The following BSN variants were observed in gnomAD, a reference collection of about 807,000 sequenced individuals.
BSN encodes the protein bassoon presynaptic cytomatrix protein.
A neutral mutation model predicts 264.8 loss-of-function variants in BSN; 57 were observed. The ratio of observed to expected loss-of-function variants is 0.22; its 90% confidence interval spans 0.17 to 0.27. The LOEUF is 0.27. BSN is among the 10% of genes least tolerant of loss of function. The probability of loss-of-function intolerance (pLI) is 1.00; values close to 1 mark genes in which losing one functional copy is unlikely to be tolerated. For missense variants in BSN, 4,615 were observed against 5,232.5 expected (o/e 0.88, Z 3.64); for synonymous variants, 2,059 against 2,137.3 (o/e 0.96, Z 1.01).
chr3:49,641,444 C>T (rs149227453), intron 2 of BSN, among the ~76,000 whole-genome samples: 1 of 152,214 alleles, frequency 6.6e-6, no homozygotes. Flanking sequence ...TGCCAGGTCA[C>T]GTGCCCATCC....
intron 11 of BSN, among the ~76,000 whole-genome samples, chr3:49,665,987 T>C (rs2052710637): frequency 6.6e-6 from 1 of 152,272 alleles, no homozygotes; most frequent in South Asian, 2.1e-4. Flanking sequence ...GCCCTGGCCC[T>C]GGCCTTGGCC....
At chr3:49,635,216 G>A (rs2052411775) in intron 2 of BSN, among the ~76,000 whole-genome samples, 1 of 152,188 alleles carries the variant, frequency 6.6e-6, no homozygotes, top group African/African-American at 2.4e-5. Context: ...CAAGCATATA[G>A]TGACATTTAA....
At chr3:49,649,636 G>A (rs2052525717) in intron 3 of BSN, among the ~76,000 whole-genome samples, 1 of 152,220 alleles carries the variant, frequency 6.6e-6, no homozygotes, top group African/African-American at 2.4e-5. Flanking sequence ...CTGGGGCTGG[G>A]AGACATGGAC....
chr3:49,564,853 C>T (rs867210277), intron 1 of BSN, among the ~76,000 whole-genome samples: 1 of 152,158 alleles, frequency 6.6e-6, no homozygotes, highest in South Asian at 2.1e-4. Context: ...AACCCTTGTG[C>T]AGATTTGTCC....
chr3:49,617,282 A>ATTATATATATATATATATATATATAT (rs2052267099), intron 1 of BSN, among the ~76,000 whole-genome samples: 3 of 33,434 alleles, frequency 9.0e-5, no homozygotes, highest in Non-Finnish European at 1.9e-4. Context: ...AATAAAATAC[A>ATTATATATATATATATATATATATAT]TTATATATAT....
At position 49,657,950 on chromosome 3, in the gene BSN, C is replaced by G; in HGVS notation, c.8394C>G (p.Val2798=). The change falls in exon 5 of 12, where the codon GTC becomes GTG. Residue 2798 remains valine (V), a synonymous_variant. Transcript: ENST00000296452. The part of the protein sequence containing the change: ...PKSPQVLYSP[V]SPLSPHRLLD... ...CCCCTCAGGTCCTCTACTCACCAGT[C>G]TCACCCCTGTCCCCTCACCGGCTCC... 1 of 1,612,798 alleles carries G rather than the reference C, an allele frequency of 6.2e-7. No individual in the cohort carries two copies. The highest frequency in any genetic ancestry group is 8.5e-7 in the Non-Finnish European group (1 of 1,179,134).
Position 49,655,282 on chromosome 3 carries a change from T to C in BSN, c.5726T>C (p.Phe1909Ser). 1 of 1,612,994 alleles carries C rather than the reference T, an allele frequency of 6.2e-7. No individual in the cohort carries two copies. The highest frequency in any genetic ancestry group is 2.2e-5 in the East Asian group (1 of 44,884). Reference protein sequence around the residue: ...ACCDMVYKLPFGSSCTGTFHP... With the variant: ...ACCDMVYKLPSGSSCTGTFHP... ...TGTGACATGGTCTACAAGCTCCCCTTTGGCAGCAGCTGCACTGGCACCTTC... is the reference window on the plus strand; with the variant it reads ...TGTGACATGGTCTACAAGCTCCCCTCTGGCAGCAGCTGCACTGGCACCTTC... Residue 1909 changes from phenylalanine to serine, a missense_variant, in exon 5 of 12, where the codon TTT becomes TCT. Coordinates refer to ENST00000296452, the MANE Select transcript of BSN (RefSeq NM_003458.4).
At chr3:49,616,108 G>A (rs2108050239) in intron 1 of BSN, among the ~76,000 whole-genome samples, 2 of 152,310 alleles carry the variant, frequency 1.3e-5, no homozygotes, top group East Asian at 3.9e-4. Flanking sequence ...GAAACATGTT[G>A]TATTGATAGA....
At position 49,658,070 on chromosome 3, in the gene BSN, G is replaced by A. The variant is rs1345847635; in HGVS notation, c.8514G>A (p.Thr2838=). The A allele has an allele frequency of 1.9e-6, 3 of 1,613,300 alleles. No individual in the cohort carries two copies. The highest frequency in any genetic ancestry group is 2.2e-5 in the East Asian group (1 of 44,878). ...FTADSALRQQ[T]LPRPMKTLQR... is the part of the protein sequence containing the mutation. ...CTGACAGCGCTCTCCGCCAGCAGAC[G>A]CTGCCTCGCCCCATGAAGACCCTGC... is the stretch of plus-strand genomic sequence containing the variant. The change falls in exon 5 of 12, where the codon ACG becomes ACA. Residue 2838 remains threonine (T), a synonymous_variant. Transcript: ENST00000296452.
rs144186165 is a variant in BSN at position 49,597,102 on chromosome 3, ATTT to A, written c.225-27869_225-27867del. On this transcript the variant is annotated intron_variant, in intron 1 of 11. Coordinates refer to ENST00000296452, the MANE Select transcript of BSN (RefSeq NM_003458.4). ...CTTTTCAGACATGATTTCTTCAAAC[ATTT>A]TTTATGTTCCTAATTTATGTCTTTT... Among the ~76,000 whole-genome samples, 659 of 152,168 alleles carry A rather than the reference ATTT, an allele frequency of 4.3e-3. 4 individuals are homozygous for A. Among genetic ancestry groups the A allele is most frequent in the African/African-American group, 0.015 (615 of 41,530 alleles).
rs2052596769 is a variant in BSN at position 49,656,122 on chromosome 3, C to T, written c.6566C>T (p.Ala2189Val). Residue 2189 changes from alanine (A) to valine (V), a missense_variant, in exon 5 of 12, where the codon GCA becomes GTA. Ala to Val is a moderately conservative substitution (Grantham distance 64). This residue lies in a region of BSN where 3,415 missense variants were observed against 3,866.4 expected (regional missense o/e 0.88). Coordinates refer to ENST00000296452, the MANE Select transcript of BSN (RefSeq NM_003458.4). ...QLLPSTATVR[A>V]ADGMIYSTIN... is the part of the protein sequence containing the mutation. ...CTGCCGTCCACAGCCACTGTACGTG[C>T]AGCTGATGGCATGATCTACTCGACT... 1 of 1,612,930 alleles carries T rather than the reference C, an allele frequency of 6.2e-7. No homozygotes were observed. Among genetic ancestry groups the T allele is most frequent in the Non-Finnish European group, 8.5e-7 (1 of 1,179,970 alleles).
rs556005167 is a variant in BSN, at chr3:49,583,864, G to GATTT, written c.224+29061_224+29064dup. 9.6e-3 allele frequency among the ~76,000 whole-genome samples: 1,463 copies of GATTT among 151,632 alleles called. 30 individuals carry two copies. Among genetic ancestry groups the GATTT allele is most frequent in the African/African-American group, 0.031 (1,291 of 41,296 alleles). On this transcript the variant is annotated intron_variant, in intron 1 of 11. Coordinates refer to ENST00000296452, the MANE Select transcript of BSN (RefSeq NM_003458.4). ...TGTTCATAGTATTCTCTTGCAATCC[G>GATTT]ATTTATTTATTTATTTATTTATTTA...
intron 1 of BSN, among the ~76,000 whole-genome samples, chr3:49,620,357 G>A (rs755229068): frequency 2.0e-5 from 3 of 151,878 alleles, no homozygotes; most frequent in Admixed American, 6.6e-5. Context: ...CCCGGGAGGC[G>A]GAGGTTGCCG....
intron 1 of BSN, among the ~76,000 whole-genome samples, chr3:49,570,022 T>A (rs1406521379): frequency 6.6e-6 from 1 of 152,084 alleles, no homozygotes; most frequent in East Asian, 1.9e-4. Flanking sequence ...TAATTTGACT[T>A]TGGGATGTAT....
chr3:49,635,935 T>C (rs948738276), intron 2 of BSN, among the ~76,000 whole-genome samples: 2 of 149,708 alleles, frequency 1.3e-5, no homozygotes, highest in African/African-American at 4.9e-5. Flanking sequence ...GCCATGATCA[T>C]GGCACTGCAC....
intron 1 of BSN, among the ~76,000 whole-genome samples, chr3:49,617,832 G>A (rs1199240882): frequency 6.6e-6 from 1 of 152,168 alleles, no homozygotes; most frequent in Non-Finnish European, 1.5e-5. Context: ...TTCAGCTGGA[G>A]AAGGAACTGG....
chr3:49,558,194 G>A (rs559078436), intron 1 of BSN, among the ~76,000 whole-genome samples: 2 of 152,310 alleles, frequency 1.3e-5, no homozygotes, highest in African/African-American at 4.8e-5. Flanking sequence ...CTGGAAAAAT[G>A]ACTGGGTTAA....
chr3:49,612,814 TAAAAG>T (rs2052218798), intron 1 of BSN, among the ~76,000 whole-genome samples: 1 of 152,122 alleles, frequency 6.6e-6, no homozygotes, highest in African/African-American at 2.4e-5. Flanking sequence ...CCCCCTGAAA[TAAAAG>T]AACACATAAA....
rs559474482 is a variant in BSN at position 49,663,011 on chromosome 3, A to G, written c.10853A>G (p.His3618Arg). The change falls in exon 7 of 12, where the codon CAT becomes CGT. Residue 3618 changes from histidine (H) to arginine (R), a missense_variant. Physicochemically the swap from His to Arg is conservative, Grantham distance 29. This residue lies in a region of BSN where 3,415 missense variants were observed against 3,866.4 expected (regional missense o/e 0.88). Transcript: ENST00000296452. ...QKRGPARHSY[H>R]DYDEPPEEGL... ...CGAGGCCCTGCCAGGCACAGCTACC[A>G]TGACTACGATGAACCCCCTGAGGAG... The G allele has an allele frequency of 8.4e-5, 135 of 1,613,998 alleles. 4 individuals carry two copies. The South Asian group carries it at 1.5e-3, about 17-fold the overall frequency.
Sources: gnomAD v4.1 joint callset for allele counts (sites outside exome capture counted in the v4.1 genomes callset) on GRCh38, gnomAD v4.1.1 for gene constraint, gnomAD v4.1.1 regional missense constraint, MANE v1.5 for transcripts, NCBI Gene and HGNC (gene_info 2026-07-23, HGNC 2026-07-21) for gene names.